CCDC91: variants seen among roughly 807,000 people sequenced by gnomAD.
The protein encoded by CCDC91 is coiled-coil domain-containing protein 91.
In CCDC91, 48 loss-of-function variants were observed where a neutral mutation model predicts 63.2. The observed-to-expected ratio is 0.76, with a 90% CI of 0.60 to 0.97. The LOEUF is 0.97. Among genes scored for constraint, CCDC91 ranks in the 50% least tolerant of loss-of-function variants. The probability of loss-of-function intolerance (pLI) is 0.00; values close to 1 mark genes in which losing one functional copy is unlikely to be tolerated. For synonymous variants in CCDC91, 167 were observed against 165.8 expected, an observed-to-expected ratio of 1.01 and a Z score of -0.06; for missense variants, 500 against 494.6, an observed-to-expected ratio of 1.01 and a Z score of -0.10.
At chr12:28,267,733 A>ATATATAATTATATATTAC (rs1947312357) in intron 3 of CCDC91, among the ~76,000 whole-genome samples, 2 of 75,858 alleles carry the variant, frequency 2.6e-5, no homozygotes, top group Non-Finnish European at 5.2e-5. Flanking sequence ...ATTATTTATT[A>ATATATAATTATATATTAC]TATATAATTA....
At chr12:28,235,668 T>G (rs1274462754) in intron 1 of CCDC91, among the ~76,000 whole-genome samples, 18 of 152,024 alleles carry the variant, frequency 1.2e-4, no homozygotes, top group Non-Finnish European at 2.4e-4. Context: ...TCTTCTGGCA[T>G]GCTGCAAATC....
intron 12 of CCDC91, among the ~76,000 whole-genome samples, chr12:28,503,852 A>G (rs1938319488): frequency 1.3e-5 from 2 of 151,290 alleles, no homozygotes; most frequent in Non-Finnish European, 3.0e-5. Context: ...ACCAAACACC[A>G]CATGTTCTCA....
At chr12:28,498,420 C>T (rs1302110086) in intron 12 of CCDC91, among the ~76,000 whole-genome samples, 4 of 151,550 alleles carry the variant, frequency 2.6e-5, no homozygotes, top group African/African-American at 9.7e-5. Flanking sequence ...ACATTGCAAG[C>T]TTCTGATTAT....
At chr12:28,504,611 G>A (rs1382683614) in intron 12 of CCDC91, among the ~76,000 whole-genome samples, 3 of 151,882 alleles carry the variant, frequency 2.0e-5, no homozygotes, top group Non-Finnish European at 4.4e-5. Context: ...CACTGTCCAA[G>A]CTATTATGTT....
At chr12:28,246,544 A>C (rs1250667198) in intron 1 of CCDC91, among the ~76,000 whole-genome samples, 2 of 152,170 alleles carry the variant, frequency 1.3e-5, no homozygotes, top group African/African-American at 4.8e-5. Context: ...TCCAAAGATC[A>C]TATCCCATAG....
intron 3 of CCDC91, among the ~76,000 whole-genome samples, chr12:28,264,542 T>C (rs1947048498): frequency 6.7e-6 from 1 of 148,734 alleles, no homozygotes; most frequent in African/African-American, 2.4e-5. Flanking sequence ...TATATGTATA[T>C]ATATGTGTAT....
intron 6 of CCDC91, among the ~76,000 whole-genome samples, chr12:28,311,390 G>C (rs1033308628): frequency 1.3e-5 from 2 of 151,946 alleles, no homozygotes; most frequent in Non-Finnish European, 2.9e-5. Flanking sequence ...TTTCCTTTTG[G>C]ATGGGGATAG....
At chr12:28,279,161 T>C (rs1948433718) in intron 3 of CCDC91, among the ~76,000 whole-genome samples, 1 of 152,014 alleles carries the variant, frequency 6.6e-6, no homozygotes, top group African/African-American at 2.4e-5. Context: ...AAGTCTTTTT[T>C]TTTTAAATAT....
At chr12:28,542,629 A>G (rs538540193) in intron 12 of CCDC91, among the ~76,000 whole-genome samples, 2 of 152,198 alleles carry the variant, frequency 1.3e-5, no homozygotes, top group South Asian at 4.1e-4. Flanking sequence ...TGGCCAGATT[A>G]TGTTGAATAT....
At chr12:28,451,864 A>T (rs1473288427) in intron 10 of CCDC91, among the ~76,000 whole-genome samples, 3 of 151,682 alleles carry the variant, frequency 2.0e-5, no homozygotes, top group Non-Finnish European at 3.0e-5. Context: ...AGTTTTTCCT[A>T]CAACCTATCT....
chr12:28,363,435 G>C (rs1234042827), intron 7 of CCDC91, among the ~76,000 whole-genome samples: 1 of 151,880 alleles, frequency 6.6e-6, no homozygotes, highest in African/African-American at 2.4e-5. Flanking sequence ...GTTTACATAG[G>C]CATTTTGTTT....
intron 1 of CCDC91, among the ~76,000 whole-genome samples, chr12:28,215,879 A>G (rs1342110511): frequency 6.6e-6 from 1 of 152,100 alleles, no homozygotes; most frequent in African/African-American, 2.4e-5. Context: ...ATTATTGAAG[A>G]TAGTCATTAT....
intron 1 of CCDC91, among the ~76,000 whole-genome samples, chr12:28,230,124 A>AT (rs977716014): frequency 1.3e-5 from 2 of 151,832 alleles, no homozygotes; most frequent in African/African-American, 4.9e-5. Flanking sequence ...TTGGGAATAT[A>AT]TCCTTTCCAT....
chr12:28,519,178 C>T (rs1407794457), intron 12 of CCDC91, among the ~76,000 whole-genome samples: 5 of 151,880 alleles, frequency 3.3e-5, no homozygotes, highest in South Asian at 2.1e-4. Context: ...TCCATCCATG[C>T]GCATGGAATG....
At chr12:28,418,287 T>C (rs1390597353) in intron 8 of CCDC91, among the ~76,000 whole-genome samples, 2 of 152,150 alleles carry the variant, frequency 1.3e-5, no homozygotes, top group African/African-American at 4.8e-5. Context: ...ACCAAAAACG[T>C]AATTTGTAGT....
At chr12:28,296,074 G>A (rs1471110690) in intron 3 of CCDC91, among the ~76,000 whole-genome samples, 1 of 151,206 alleles carries the variant, frequency 6.6e-6, no homozygotes. Flanking sequence ...ATTTATTTTT[G>A]GATGCTGTGG....
chr12:28,248,441 A>G (rs184324258), intron 1 of CCDC91, among the ~76,000 whole-genome samples: 1 of 152,318 alleles, frequency 6.6e-6, no homozygotes, highest in East Asian at 1.9e-4. Flanking sequence ...AGTGAAAGAA[A>G]GGAAGGGTTA....
chr12:28,344,862 C>T (rs1219420750), intron 6 of CCDC91, among the ~76,000 whole-genome samples: 3 of 152,026 alleles, frequency 2.0e-5, no homozygotes, highest in African/African-American at 7.2e-5. Flanking sequence ...CAGCCAGATG[C>T]CAGTAGACAG....
chr12:28,255,065 C>T (rs1472320926), intron 1 of CCDC91, among the ~76,000 whole-genome samples: 6 of 151,976 alleles, frequency 3.9e-5, no homozygotes, highest in South Asian at 2.1e-4. Flanking sequence ...CGTGAGCCAC[C>T]GAATATGTAA....
Sources: allele counts gnomAD v4.1 joint callset (sites outside exome capture counted in the v4.1 genomes callset), GRCh38; gene constraint gnomAD v4.1.1; transcripts MANE v1.5; gene names NCBI Gene and HGNC (gene_info 2026-07-23, HGNC 2026-07-21).